MSN: variants seen among roughly 807,000 people sequenced by gnomAD.
MSN encodes epididymis luminal protein 70.
MSN carries 2 observed loss-of-function variants against 48.0 expected under a neutral mutation model. That is an observed-to-expected ratio of 0.04 (90% CI 0.02 to 0.13). The LOEUF is 0.13. MSN is among the 10% of genes least tolerant of loss of function. MSN has a pLI of 1.00. For synonymous variants in MSN, 146 were observed against 166.9 expected (o/e 0.87, Z 0.97); for missense variants, 267 against 470.1 (o/e 0.57, Z 3.99).
intron 1 of MSN, among the ~76,000 whole-genome samples, chrX:65,654,320 A>C (rs1161892621): frequency 2.8e-5 from 3 of 106,680 alleles, no homozygotes; most frequent in Non-Finnish European, 5.8e-5. Context: ...ACAGGGTTTC[A>C]CCACATTAGC....
At position 65,610,242 on chromosome X, in the gene MSN, T is replaced by C. The variant is rs907744270; in HGVS notation, c.-22+21630T>C. On this transcript the variant is annotated intron_variant, in intron 1 of 3. Coordinates refer to the MSN transcript ENST00000609672. ...AACCCAAACGGAAACTCTGTAACCA[T>C]TAAGCAATAACTTCCTACTCCCTGC... Among the ~76,000 whole-genome samples the C allele has an allele frequency of 2.7e-5, 3 of 112,102 alleles. No individual in the cohort carries two copies. The Admixed American group carries it at 2.9e-4, about 11-fold the overall frequency.
chrX:65,637,567 T>C, intron 1 of MSN, among the ~76,000 whole-genome samples: 1 of 111,353 alleles, frequency 9.0e-6, no homozygotes, highest in South Asian at 3.8e-4. Flanking sequence ...ATAAAGAGCC[T>C]CCTTGCTGTT....
intron 1 of MSN, among the ~76,000 whole-genome samples, chrX:65,699,001 C>G (rs2071274054): frequency 9.0e-6 from 1 of 111,661 alleles, no homozygotes; most frequent in Admixed American, 9.5e-5. Flanking sequence ...AGGGCTCTCT[C>G]CCTCCCGTCA....
intron 1 of MSN, among the ~76,000 whole-genome samples, chrX:65,708,087 C>T (rs1459921825): frequency 9.0e-6 from 1 of 110,579 alleles, no homozygotes; most frequent in Non-Finnish European, 1.9e-5. Context: ...TGGCTTCAAG[C>T]TGTCCTCCCA....
At chrX:65,609,616 G>C (rs1211384460) in intron 1 of MSN, among the ~76,000 whole-genome samples, 1 of 111,722 alleles carries the variant, frequency 9.0e-6, no homozygotes, top group African/African-American at 3.3e-5. Context: ...AGGCGCGGTG[G>C]CTCATGTCTG....
At chrX:65,694,946 TAAG>T (rs1366026741) in intron 1 of MSN, among the ~76,000 whole-genome samples, 1 of 112,035 alleles carries the variant, frequency 8.9e-6, no homozygotes, top group East Asian at 2.8e-4. Flanking sequence ...AATCCTTACT[TAAG>T]AAGGCAAAAC....
At chrX:65,645,762 G>A (rs987568371) in intron 1 of MSN, among the ~76,000 whole-genome samples, 1 of 111,250 alleles carries the variant, frequency 9.0e-6, no homozygotes, top group African/African-American at 3.3e-5. Context: ...CCACCTTGAT[G>A]GTTCATGGGT....
chrX:65,643,799 G>A (rs908135551), intron 1 of MSN, among the ~76,000 whole-genome samples: 24 of 111,453 alleles, frequency 2.2e-4, no homozygotes, highest in African/African-American at 6.9e-4. Flanking sequence ...ATTGCTCCCT[G>A]GCTACAACCC....
At chrX:65,681,890 C>A (rs1009213365) in intron 1 of MSN, among the ~76,000 whole-genome samples, 5 of 111,574 alleles carry the variant, frequency 4.5e-5, no homozygotes, top group Admixed American at 9.6e-5. Context: ...TCTCTGAACC[C>A]CACATAGGTG....
chrX:65,647,463 G>A (rs187991089), intron 1 of MSN, among the ~76,000 whole-genome samples: 9 of 112,206 alleles, frequency 8.0e-5, no homozygotes, highest in South Asian at 3.7e-4. Context: ...CGCCCACCTC[G>A]GCTTCCCAAA....
chrX:65,613,347 T>C (rs750765460), intron 1 of MSN, among the ~76,000 whole-genome samples: 2 of 115,088 alleles, frequency 1.7e-5, no homozygotes, highest in Admixed American at 9.1e-5. Context: ...TGTGTGCATG[T>C]GTCTTTATAG....
intron 1 of MSN, among the ~76,000 whole-genome samples, chrX:65,676,445 T>C (rs182704976): frequency 5.3e-5 from 6 of 112,268 alleles, no homozygotes; most frequent in African/African-American, 1.9e-4. Context: ...AATATTGAAG[T>C]TTCTTCCCAT....
At chrX:65,717,983 CA>C (rs1221511655) in intron 2 of MSN, among the ~76,000 whole-genome samples, 1 of 111,486 alleles carries the variant, frequency 9.0e-6, no homozygotes, top group African/African-American at 3.3e-5. Context: ...AGAATGGAGA[CA>C]GGGGTAGGAG....
chrX:65,653,704 G>T (rs908270907), intron 1 of MSN, among the ~76,000 whole-genome samples: 1 of 109,800 alleles, frequency 9.1e-6, no homozygotes, highest in Non-Finnish European at 1.9e-5. Flanking sequence ...ACATCTGGGG[G>T]CCCAGGAAGA....
At chrX:65,614,679 C>A (rs866183127) in intron 1 of MSN, among the ~76,000 whole-genome samples, 2 of 90,837 alleles carry the variant, frequency 2.2e-5, no homozygotes, top group African/African-American at 9.0e-5. Flanking sequence ...TTTTTTTTTT[C>A]TTTTATTTAT....
chrX:65,667,214 C>A (rs1160881612), upstream of MSN, among the ~76,000 whole-genome samples: 1 of 111,801 alleles, frequency 8.9e-6, no homozygotes, highest in Non-Finnish European at 1.9e-5. Flanking sequence ...GAACTGAGAT[C>A]CATGGATGGA....
intron 1 of MSN, among the ~76,000 whole-genome samples, chrX:65,695,368 C>T (rs1384371038): frequency 9.1e-6 from 1 of 109,469 alleles, no homozygotes; most frequent in Non-Finnish European, 1.9e-5. Flanking sequence ...TGCGTGGTGG[C>T]ACATGCCTGT....
At chrX:65,720,396 G>T (rs2071505321) in intron 2 of MSN, among the ~76,000 whole-genome samples, 1 of 112,348 alleles carries the variant, frequency 8.9e-6, no homozygotes, top group Non-Finnish European at 1.9e-5. Flanking sequence ...AAGGAGGGGG[G>T]CAGTCACATT....
chrX:65,630,308 TCA>T (rs2070546017), intron 1 of MSN, among the ~76,000 whole-genome samples: 1 of 111,979 alleles, frequency 8.9e-6, no homozygotes, highest in Non-Finnish European at 1.9e-5. Flanking sequence ...GTGCAGTAAT[TCA>T]CACTTATAAT....
Sources: allele counts gnomAD v4.1 joint callset (sites outside exome capture counted in the v4.1 genomes callset), GRCh38; gene constraint gnomAD v4.1.1; transcripts MANE v1.5; gene names NCBI Gene and HGNC (gene_info 2026-07-23, HGNC 2026-07-21).